The following NAA16 variants were observed in gnomAD, a reference collection of about 807,000 sequenced individuals.
NAA16 encodes the protein NARG1-like protein.
NAA16 carries 97 observed loss-of-function variants against 110.3 expected under a neutral mutation model. That is an observed-to-expected ratio of 0.88 (90% CI 0.75 to 1.04). The LOEUF (loss-of-function observed/expected upper bound fraction) is 1.04, where lower values mean the gene tolerates loss of function less well. Among genes scored for constraint, NAA16 ranks in the 50% least tolerant of loss-of-function variants. The probability of loss-of-function intolerance (pLI) is 0.00; values close to 1 mark genes in which losing one functional copy is unlikely to be tolerated. For synonymous variants in NAA16, 372 were observed against 330.6 expected, an observed-to-expected ratio of 1.13 and a Z score of -1.36; for missense variants, 1,017 against 1,005.1, an observed-to-expected ratio of 1.01 and a Z score of -0.16.
intron 15 of NAA16, 121 bp from the exon 16 acceptor site, chr13:41,372,082 T>TA (rs1186383573): frequency 1.1e-5 from 9 of 800,424 alleles, no homozygotes; most frequent in Non-Finnish European, 1.4e-5. Context: ...GTTTTCTTGT[T>TA]ATTTGGTTTT....
intron 9 of NAA16, among the ~76,000 whole-genome samples, chr13:41,351,560 A>C (rs924911395): frequency 1.3e-5 from 2 of 152,190 alleles, no homozygotes; most frequent in Admixed American, 6.5e-5. Context: ...CTTTGTCTTT[A>C]AGGTTAATGA....
chr13:41,316,069 C>T (rs995399641), intron 1 of NAA16, among the ~76,000 whole-genome samples: 2 of 152,106 alleles, frequency 1.3e-5, no homozygotes, highest in African/African-American at 4.8e-5. Flanking sequence ...ATTCTGTGTA[C>T]TAGGAAAGGG....
intron 12 of NAA16, among the ~76,000 whole-genome samples, chr13:41,361,651 CAGTT>C (rs903684968): frequency 5.3e-5 from 8 of 152,170 alleles, no homozygotes; most frequent in South Asian, 2.1e-4. Context: ...TCCTAAGTGA[CAGTT>C]AGGTAGCAGA....
chr13:41,328,448 A>G (rs1418271515), intron 6 of NAA16, among the ~76,000 whole-genome samples: 1 of 152,168 alleles, frequency 6.6e-6, no homozygotes, highest in Non-Finnish European at 1.5e-5. Flanking sequence ...TTCAAAGAGT[A>G]TAAGATGTGT....
At chr13:41,315,608 A>G (rs2041786847) in intron 1 of NAA16, among the ~76,000 whole-genome samples, 1 of 152,130 alleles carries the variant, frequency 6.6e-6, no homozygotes, top group Non-Finnish European at 1.5e-5. Context: ...ATTAAGTAAG[A>G]GATTACAAAT....
At chr13:41,357,610 CCT>C (rs1170480964) in intron 10 of NAA16, among the ~76,000 whole-genome samples, 2 of 152,198 alleles carry the variant, frequency 1.3e-5, no homozygotes, top group African/African-American at 4.8e-5. Flanking sequence ...ACTCTTTCCT[CCT>C]CATTTTTACA....
intron 9 of NAA16, among the ~76,000 whole-genome samples, chr13:41,351,762 A>G (rs988702697): frequency 1.2e-5 from 1 of 81,690 alleles, no homozygotes; most frequent in African/African-American, 5.3e-5. Context: ...AATTTTTCAC[A>G]TTGTAAGAAA....
rs753345113 is a variant in NAA16, at chr13:41,369,288, G to C, written c.1947+5G>C. 6.4e-7 allele frequency: 1 copy of C among 1,554,094 alleles called. No individual in the cohort carries two copies. The highest frequency in any genetic ancestry group is 8.6e-7 in the Non-Finnish European group (1 of 1,160,774). On this transcript the variant is annotated splice_donor_5th_base_variant and intron_variant, in intron 15 of 19. Transcript: ENST00000379406. Reference sequence around the variant, plus strand: ...ATACCTGAAAAATTAGAAAGGGTGAGATGGGTTTTACTATCTTTGTTATTT... The same window carrying C: ...ATACCTGAAAAATTAGAAAGGGTGACATGGGTTTTACTATCTTTGTTATTT...
intron 7 of NAA16, among the ~76,000 whole-genome samples, chr13:41,329,949 C>A (rs1461426742): frequency 6.6e-6 from 1 of 151,878 alleles, no homozygotes; most frequent in Admixed American, 6.6e-5. Context: ...CTTTCCTTCC[C>A]CGTGGTAAGT....
intron 2 of NAA16, among the ~76,000 whole-genome samples, chr13:41,317,427 G>T (rs61963133): frequency 6.6e-6 from 1 of 152,178 alleles, no homozygotes. Context: ...TAACACTGGT[G>T]TTAATAAAGT....
At chr13:41,323,649 G>C (rs1282563525) in intron 5 of NAA16, among the ~76,000 whole-genome samples, 1 of 151,050 alleles carries the variant, frequency 6.6e-6, no homozygotes, top group East Asian at 1.9e-4. Context: ...ACCGCGCCCG[G>C]CCATTTTTTT....
intron 8 of NAA16, among the ~76,000 whole-genome samples, chr13:41,336,007 TGG>T (rs2042371885): frequency 6.6e-6 from 1 of 152,164 alleles, no homozygotes; most frequent in Non-Finnish European, 1.5e-5. Context: ...AAATCATTTC[TGG>T]GGTTTAGCAA....
intron 10 of NAA16, among the ~76,000 whole-genome samples, chr13:41,355,732 C>T (rs2042965470): frequency 6.6e-6 from 1 of 152,046 alleles, no homozygotes; most frequent in East Asian, 1.9e-4. Flanking sequence ...CTGGGCTTAA[C>T]CTTGTTTTAA....
intron 15 of NAA16, among the ~76,000 whole-genome samples, chr13:41,369,854 AC>A (rs956663745): frequency 2.0e-5 from 3 of 152,196 alleles, no homozygotes; most frequent in Non-Finnish European, 4.4e-5. Context: ...TCCTGCTGAC[AC>A]CTTGATTGTA....
chr13:41,359,072 C>A, intron 12 of NAA16, 110 bp downstream of exon 12: 3 of 925,398 alleles, frequency 3.2e-6, no homozygotes, highest in Non-Finnish European at 4.5e-6. Context: ...CATAAAAATT[C>A]ATTTTTATTA....
chr13:41,317,395 T>G (rs995996139), intron 2 of NAA16, among the ~76,000 whole-genome samples: 2 of 152,170 alleles, frequency 1.3e-5, no homozygotes, highest in Admixed American at 1.3e-4. Context: ...TACCATTAGA[T>G]TGTATATTTT....
intron 13 of NAA16, among the ~76,000 whole-genome samples, chr13:41,366,308 G>A (rs548297160): frequency 9.2e-5 from 14 of 152,188 alleles, no homozygotes; most frequent in African/African-American, 3.4e-4. Context: ...TAATTACCAA[G>A]CAATTATCAG....
intron 8 of NAA16, among the ~76,000 whole-genome samples, chr13:41,334,991 C>G (rs377114415): frequency 6.6e-6 from 1 of 152,116 alleles, no homozygotes; most frequent in African/African-American, 2.4e-5. Context: ...CACTTAACCT[C>G]GTATTTGGAG....
intron 5 of NAA16, among the ~76,000 whole-genome samples, chr13:41,323,543 A>G (rs951890954): frequency 2.6e-5 from 4 of 151,340 alleles, no homozygotes; most frequent in Admixed American, 1.3e-4. Context: ...AAGTAGAGAC[A>G]GGGTTTCACC....
Sources: gnomAD v4.1 joint callset for allele counts (sites outside exome capture counted in the v4.1 genomes callset) on GRCh38, gnomAD v4.1.1 for gene constraint, MANE v1.5 for transcripts, NCBI Gene and HGNC (gene_info 2026-07-23, HGNC 2026-07-21) for gene names.